The following CRY2 variants were observed in gnomAD, a reference collection of about 807,000 sequenced individuals.
CRY2 encodes the protein cryptochrome circadian regulator 2.
Under a neutral mutation model 69.5 loss-of-function variants are expected in CRY2, and 31 were observed. The ratio of observed to expected loss-of-function variants is 0.45; its 90% confidence interval spans 0.34 to 0.60. CRY2 has a LOEUF of 0.60. Ranked by LOEUF, CRY2 falls within the 20% of genes least tolerant of loss-of-function variation. The pLI, the probability that CRY2 is intolerant of heterozygous loss-of-function variation, is 0.02. For missense variants in CRY2, 606 were observed against 797.8 expected, an observed-to-expected ratio of 0.76 and a Z score of 2.90; for synonymous variants, 303 against 312.2, an observed-to-expected ratio of 0.97 and a Z score of 0.31.
At chr11:45,866,399 G>A (rs1415999733) in intron 5 of CRY2, among the ~76,000 whole-genome samples, 1 of 152,198 alleles carries the variant, frequency 6.6e-6, no homozygotes, top group Non-Finnish European at 1.5e-5. Context: ...AGAGGAGGTG[G>A]AGCTGATGAA....
chr11:45,882,914 A>G lies in CRY2; in HGVS notation c.*2003A>G. 1 of 393,724 alleles carries G rather than the reference A, an allele frequency of 2.5e-6. No individual in the cohort carries two copies. The highest frequency in any genetic ancestry group is 3.6e-5 in the East Asian group (1 of 27,778). 24.4% of individuals were successfully genotyped at this position (393,724 alleles called of 1,614,324 possible). On this transcript the variant is annotated 3_prime_UTR_variant, in exon 12 of 12. Coordinates refer to ENST00000616080, the MANE Select transcript of CRY2 (RefSeq NM_021117.5). ...GACCACCTCCGCCTACTTCTCCACC[A>G]TCCCTAGCATGTCAGCCCGTTCCCA...
intron 11 of CRY2, among the ~76,000 whole-genome samples, chr11:45,878,394 T>C (rs746056333): frequency 5.3e-5 from 8 of 152,352 alleles, no homozygotes; most frequent in Non-Finnish European, 8.8e-5. Flanking sequence ...GGAGGACCTT[T>C]TGTGGTATAT....
In CRY2 at chr11:45,870,902, G is replaced by C; in HGVS notation, c.1610G>C (p.Ser537Thr). ...EDLSHPVAEPSSSQAGSMSSA... is the reference protein window; with the variant it reads ...EDLSHPVAEPTSSQAGSMSSA... Reference sequence around the variant, plus strand: ...CTCAGTCACCCTGTGGCAGAGCCCAGCTCGAGCCAGGCTGGCAGCATGAGC... The same window carrying C: ...CTCAGTCACCCTGTGGCAGAGCCCACCTCGAGCCAGGCTGGCAGCATGAGC... The change falls in exon 10 of 12, where the codon AGC becomes ACC. Residue 537 changes from serine to threonine, a missense_variant. By Grantham distance (58) the Ser-to-Thr change is moderately conservative (BLOSUM62 1). Transcript: ENST00000616080. 6.2e-7 allele frequency: 1 copy of C among 1,612,672 alleles called. No homozygotes were observed.
chr11:45,855,956 T>C, intron 1 of CRY2, 26 bp from the exon 2 acceptor site: 1 of 1,574,932 alleles, frequency 6.3e-7, no homozygotes. Flanking sequence ...ATGTTATCAC[T>C]AACAAGGCCT....
At position 45,847,543 on chromosome 11, in the gene CRY2, G is replaced by A. The variant is rs1408049423; in HGVS notation, c.53G>A (p.Gly18Asp). Residue 18 changes from glycine (G) to aspartate (D), a missense_variant, in exon 1 of 12, where the codon GGC becomes GAC. Coordinates refer to ENST00000616080, the MANE Select transcript of CRY2 (RefSeq NM_021117.5). ...AAAVAPAPAPGTDSASSVHWF... is the reference protein window; with the variant it reads ...AAAVAPAPAPDTDSASSVHWF... ...GCTGTGGCCCCGGCGCCAGCGCCCG[G>A]CACGGACAGCGCCTCTTCGGTGCAC... The A allele has an allele frequency of 2.5e-6, 4 of 1,588,192 alleles. No homozygotes were observed. Among genetic ancestry groups the A allele is most frequent in the Non-Finnish European group, 2.6e-6 (3 of 1,171,208 alleles).
At chr11:45,863,579 A>G (rs1346058515) in intron 5 of CRY2, among the ~76,000 whole-genome samples, 1 of 151,100 alleles carries the variant, frequency 6.6e-6, no homozygotes, top group African/African-American at 2.4e-5. Flanking sequence ...TCAGTTCTCC[A>G]AATCTGAAGG....
At chr11:45,858,426 T>G in intron 2 of CRY2, 1 of 267,994 alleles carries the variant, frequency 3.7e-6, no homozygotes, top group Non-Finnish European at 7.1e-6. Flanking sequence ...CCCAGGAGCG[T>G]TGTATTTATG....
At chr11:45,869,883 C>T (rs147554491) in intron 7 of CRY2, 66 bp downstream of exon 7, 1 of 1,535,906 alleles carries the variant, frequency 6.5e-7, no homozygotes. Context: ...GGGCAGCCCC[C>T]TTCTGGGCTG....
At position 45,870,373 on chromosome 11, in the gene CRY2, T is replaced by C. The variant is rs1170284751; in HGVS notation, c.1390T>C (p.Tyr464His). The change falls in exon 9 of 12, where the codon TAT becomes CAT. Residue 464 changes from tyrosine (Y) to histidine (H), a missense_variant. Coordinates refer to ENST00000616080, the MANE Select transcript of CRY2 (RefSeq NM_021117.5). ...GAAAGCGTTCCCCTCTCGATACATC[T>C]ATGAGCCCTGGAATGCCCCAGAGTC... ...KLKAFPSRYI[Y>H]EPWNAPESIQ... 6 of 1,614,212 alleles carry C rather than the reference T, an allele frequency of 3.7e-6. No homozygotes were observed. Among genetic ancestry groups the C allele is most frequent in the Non-Finnish European group, 5.1e-6 (6 of 1,180,030 alleles).
intron 9 of CRY2, 91 bp from the exon 10 acceptor site, chr11:45,870,751 A>C (rs1590770495): frequency 2.5e-6 from 3 of 1,198,012 alleles, no homozygotes; most frequent in Non-Finnish European, 1.2e-6. Context: ...TCTTGCTCCT[A>C]CCCTCCCCAC....
intron 11 of CRY2, among the ~76,000 whole-genome samples, chr11:45,878,557 C>CA (rs890927416): frequency 9.2e-5 from 14 of 151,826 alleles, no homozygotes; most frequent in Admixed American, 4.6e-4. Context: ...ACATTTGTAG[C>CA]AAAAAAATGG....
At chr11:45,861,208 G>C in intron 4 of CRY2, 176 bp downstream of exon 4, 2 of 651,114 alleles carry the variant, frequency 3.1e-6, no homozygotes, top group Non-Finnish European at 5.2e-6. Context: ...ATTTTAAACT[G>C]TGTCCTTCTA....
chr11:45,862,625 A>G (rs1381528142), intron 5 of CRY2, among the ~76,000 whole-genome samples: 1 of 152,218 alleles, frequency 6.6e-6, no homozygotes, highest in African/African-American at 2.4e-5. Context: ...TTCTAAAGCT[A>G]TGTCGGATTG....
At chr11:45,868,926 C>T (rs2086352860) in intron 6 of CRY2, among the ~76,000 whole-genome samples, 1 of 152,194 alleles carries the variant, frequency 6.6e-6, no homozygotes, top group South Asian at 2.1e-4. Context: ...CCACACCTGG[C>T]TGTATCTAGG....
In CRY2 at chr11:45,858,969, T is replaced by C. The variant is rs1019769102; in HGVS notation, c.467+96T>C. On this transcript the variant is annotated intron_variant, in intron 3 of 11. Transcript: ENST00000616080. ...ACTCAGAGAGGTTCAGCATTAGGGC[T>C]ACCTGACCCAGGAGGCATGGCATCT... The C allele has an allele frequency of 4.1e-6, 6 of 1,462,074 alleles. No homozygotes were observed. The Admixed American group carries it at 1.2e-4, about 30-fold the overall frequency. The allele number at this position is 1,462,074 out of a possible 1,614,324, so 90.6% of individuals were successfully genotyped here.
intron 8 of CRY2, 43 bp from the exon 9 acceptor site, chr11:45,870,287 G>T (rs2086367072): frequency 1.2e-6 from 2 of 1,613,438 alleles, no homozygotes; most frequent in Admixed American, 3.3e-5. Flanking sequence ...TTTGAAGGAG[G>T]GTCTGGGTAT....
intron 1 of CRY2, among the ~76,000 whole-genome samples, chr11:45,852,434 C>T (rs1004908336): frequency 2.0e-5 from 3 of 152,234 alleles, no homozygotes; most frequent in East Asian, 1.9e-4. Flanking sequence ...TTTGCCCAGT[C>T]GCAGCACTGC....
At chr11:45,870,790 C>T in intron 9 of CRY2, 52 bp from the exon 10 acceptor site, 1 of 1,487,586 alleles carries the variant, frequency 6.7e-7, no homozygotes, top group Non-Finnish European at 9.3e-7. Flanking sequence ...GCCCTGTAGC[C>T]CTCTGCAATC....
chr11:45,863,335 T>C (rs2086303249), intron 5 of CRY2, among the ~76,000 whole-genome samples: 1 of 152,052 alleles, frequency 6.6e-6, no homozygotes, highest in African/African-American at 2.4e-5. Context: ...TATGGTTAGT[T>C]TTTATCAGCT....
Sources: gnomAD v4.1 joint callset for allele counts (sites outside exome capture counted in the v4.1 genomes callset) on GRCh38, gnomAD v4.1.1 for gene constraint, MANE v1.5 for transcripts, NCBI Gene and HGNC (gene_info 2026-07-23, HGNC 2026-07-21) for gene names.